SYT1: variants seen among roughly 807,000 people sequenced by gnomAD.
The protein encoded by SYT1 is synaptotagmin 1, also known as synaptotagmin-1.
In SYT1, 8 loss-of-function variants were observed where a neutral mutation model predicts 44.8. The observed-to-expected ratio is 0.18, with a 90% CI of 0.10 to 0.32. The LOEUF (loss-of-function observed/expected upper bound fraction) is 0.32, where lower values mean the gene tolerates loss of function less well. Among genes scored for constraint, SYT1 ranks in the 10% least tolerant of loss-of-function variants. SYT1 has a pLI of 1.00. For missense variants in SYT1, 286 were observed against 509.3 expected, an observed-to-expected ratio of 0.56 and a Z score of 4.22; for synonymous variants, 154 against 188.8, an observed-to-expected ratio of 0.82 and a Z score of 1.51.
chr12:79,156,524 G>A (rs1184691108), intron 3 of SYT1, among the ~76,000 whole-genome samples: 1 of 152,030 alleles, frequency 6.6e-6, no homozygotes, highest in East Asian at 1.9e-4. Context: ...CTGGAGTGCA[G>A]TGGCATGATC....
chr12:78,870,348 C>G (rs1323681971), intron 1 of SYT1, among the ~76,000 whole-genome samples: 1 of 151,998 alleles, frequency 6.6e-6, no homozygotes, highest in East Asian at 1.9e-4. Flanking sequence ...CTCAAAGAAC[C>G]TATTTCTGTA....
At chr12:79,076,699 G>T (rs910340856) in intron 3 of SYT1, among the ~76,000 whole-genome samples, 4 of 152,138 alleles carry the variant, frequency 2.6e-5, no homozygotes, top group Non-Finnish European at 5.9e-5. Flanking sequence ...CCAGCATTTT[G>T]GGAGGCCGAG....
intron 9 of SYT1, among the ~76,000 whole-genome samples, chr12:79,383,508 T>C (rs1361132299): frequency 6.6e-6 from 1 of 151,764 alleles, no homozygotes; most frequent in South Asian, 2.1e-4. Context: ...CAAGATATAG[T>C]TATTTAAATA....
At chr12:79,323,492 A>G (rs1004896881) in intron 8 of SYT1, among the ~76,000 whole-genome samples, 2 of 152,218 alleles carry the variant, frequency 1.3e-5, no homozygotes, top group Non-Finnish European at 2.9e-5. Flanking sequence ...CATTTTATAA[A>G]TCTTTTATTT....
At chr12:78,907,306 A>G (rs935839888) in intron 1 of SYT1, among the ~76,000 whole-genome samples, 4 of 152,066 alleles carry the variant, frequency 2.6e-5, no homozygotes, top group Non-Finnish European at 4.4e-5. Flanking sequence ...CATAAAATAG[A>G]TTCATTCTGT....
At chr12:79,006,726 C>T (rs146410992) in intron 2 of SYT1, among the ~76,000 whole-genome samples, 28 of 152,092 alleles carry the variant, frequency 1.8e-4, no homozygotes, top group African/African-American at 5.1e-4. Flanking sequence ...CAGAGCTTTG[C>T]GTAGTAAGTC....
chr12:79,043,926 G>C (rs892883687), intron 2 of SYT1, among the ~76,000 whole-genome samples: 4 of 152,064 alleles, frequency 2.6e-5, no homozygotes, highest in African/African-American at 4.8e-5. Flanking sequence ...GTCGAAAATT[G>C]TTTTCTTTAA....
intron 3 of SYT1, among the ~76,000 whole-genome samples, chr12:79,131,132 T>G (rs980100618): frequency 2.6e-5 from 4 of 151,990 alleles, no homozygotes; most frequent in African/African-American, 9.6e-5. Context: ...TTTTTTTTTC[T>G]TTGCCCATTG....
chr12:79,031,444 G>A (rs961197594), intron 2 of SYT1, among the ~76,000 whole-genome samples: 3 of 151,062 alleles, frequency 2.0e-5, no homozygotes, highest in African/African-American at 7.3e-5. Flanking sequence ...CATGAACAAT[G>A]TACAACACAG....
chr12:79,024,215 C>T (rs912345326), intron 2 of SYT1, among the ~76,000 whole-genome samples: 1 of 151,630 alleles, frequency 6.6e-6, no homozygotes, highest in African/African-American at 2.4e-5. Context: ...AAGGACAATT[C>T]AAAGACGTAT....
intron 4 of SYT1, among the ~76,000 whole-genome samples, chr12:79,247,955 G>A (rs1012036248): frequency 2.6e-5 from 4 of 152,168 alleles, no homozygotes; most frequent in African/African-American, 9.7e-5. Flanking sequence ...TGAATTACGT[G>A]TTCAGAAAAT....
intron 4 of SYT1, among the ~76,000 whole-genome samples, chr12:79,232,404 T>C (rs1875922943): frequency 6.6e-6 from 1 of 152,212 alleles, no homozygotes; most frequent in African/African-American, 2.4e-5. Context: ...CCTCTTCAAC[T>C]GTTCGCCCTC....
chr12:79,420,597 TA>T (rs2136154483), intron 9 of SYT1, among the ~76,000 whole-genome samples: 1 of 152,108 alleles, frequency 6.6e-6, no homozygotes, highest in Admixed American at 6.6e-5. Flanking sequence ...AAGGAGGAGG[TA>T]GGGAAACAGA....
At chr12:79,193,422 A>G (rs1873249684) in intron 3 of SYT1, among the ~76,000 whole-genome samples, 1 of 152,170 alleles carries the variant, frequency 6.6e-6, no homozygotes, top group Non-Finnish European at 1.5e-5. Context: ...TTGGGTAGAA[A>G]GTTTGCCAGG....
At chr12:78,998,439 G>A (rs1870519092) in intron 2 of SYT1, among the ~76,000 whole-genome samples, 1 of 152,150 alleles carries the variant, frequency 6.6e-6, no homozygotes, top group African/African-American at 2.4e-5. Flanking sequence ...TCTGGATTAT[G>A]AGCACTCTGA....
intron 8 of SYT1, among the ~76,000 whole-genome samples, chr12:79,304,713 T>C (rs919279752): frequency 2.6e-5 from 4 of 152,140 alleles, no homozygotes; most frequent in African/African-American, 9.7e-5. Context: ...AAGAATTAGT[T>C]CTAGGGAGAA....
chr12:79,368,670 G>T (rs899272498), intron 9 of SYT1, among the ~76,000 whole-genome samples: 1 of 151,364 alleles, frequency 6.6e-6, no homozygotes, highest in African/African-American at 2.4e-5. Context: ...ATTTTTTCAT[G>T]TGTTTTTTGG....
At chr12:79,372,181 A>G (rs1183984720) in intron 9 of SYT1, among the ~76,000 whole-genome samples, 5 of 152,122 alleles carry the variant, frequency 3.3e-5, no homozygotes, top group African/African-American at 1.2e-4. Flanking sequence ...GACCAACTTA[A>G]TTCACTTTTG....
In SYT1 at chr12:79,449,712, A is replaced by G. The variant is rs145283526; in HGVS notation, c.*588A>G. 8.3e-4 allele frequency: 127 copies of G among 152,534 alleles called. No homozygotes were observed. The highest frequency in any genetic ancestry group is 1.4e-3 in the Non-Finnish European group (93 of 68,220). 9.4% of individuals were successfully genotyped at this position (152,534 alleles called of 1,614,324 possible). On this transcript the variant is annotated 3_prime_UTR_variant, in exon 11 of 11. Transcript: ENST00000261205. ...ACCACATACTTGGTGGGTGAATCCA[A>G]TTTTGTAGAATTCCTACACAGGCAA...
Sources: allele counts gnomAD v4.1 joint callset (sites outside exome capture counted in the v4.1 genomes callset), GRCh38; gene constraint gnomAD v4.1.1; transcripts MANE v1.5; gene names NCBI Gene and HGNC (gene_info 2026-07-23, HGNC 2026-07-21).